ST3GAL1: variants seen among roughly 807,000 people sequenced by gnomAD.
ST3GAL1 encodes the protein ST3 beta-galactoside alpha-2,3-sialyltransferase 1.
Under a neutral mutation model 34.1 loss-of-function variants are expected in ST3GAL1, and 16 were observed. The ratio of observed to expected loss-of-function variants is 0.47; its 90% CI spans 0.32 to 0.71. ST3GAL1 has a LOEUF of 0.71. ST3GAL1 is among the 30% of genes least tolerant of loss of function. The pLI, the probability that ST3GAL1 is intolerant of heterozygous loss-of-function variation, is 0.04. For missense variants in ST3GAL1, 353 were observed against 447.4 expected (o/e 0.79, Z 1.90); for synonymous variants, 191 against 184.7 (o/e 1.03, Z -0.28).
At chr8:133,477,442 CA>C (rs1816220631) in intron 3 of ST3GAL1, among the ~76,000 whole-genome samples, 1 of 151,586 alleles carries the variant, frequency 6.6e-6, no homozygotes, top group Admixed American at 6.6e-5. Flanking sequence ...AACTGAGACT[CA>C]AAGTGCTTAG....
intron 2 of ST3GAL1, among the ~76,000 whole-genome samples, chr8:133,542,989 TC>T: frequency 6.6e-6 from 1 of 152,130 alleles, no homozygotes; most frequent in East Asian, 1.9e-4. Flanking sequence ...ATCTACACAA[TC>T]CCGGAAGTTC....
intron 2 of ST3GAL1, among the ~76,000 whole-genome samples, chr8:133,538,962 T>C (rs569704001): frequency 2.6e-5 from 4 of 151,998 alleles, no homozygotes; most frequent in Non-Finnish European, 5.9e-5. Context: ...TCATCATCCG[T>C]AAAAAAGGGA....
intron 1 of ST3GAL1, among the ~76,000 whole-genome samples, chr8:133,546,262 C>A (rs1315669031): frequency 6.6e-6 from 1 of 152,148 alleles, no homozygotes; most frequent in East Asian, 1.9e-4. Context: ...GCAGGCAGAT[C>A]GCTTGAGGTC....
Position 133,485,005 on chromosome 8 carries a change from T to C in ST3GAL1, c.-373-8405A>G, listed in dbSNP as rs544353652. On this transcript the variant is annotated intron_variant, in intron 3 of 9. Transcript: ENST00000522652. ...AATAAGGCTAGAAGCTAGAGTGGTA[T>C]CTGCAATCCACATGGCTCAAATCCC... Among the ~76,000 whole-genome samples the C allele has an allele frequency of 1.6e-4, 25 of 152,376 alleles. No homozygotes were observed. The South Asian group carries it at 5.2e-3, about 32-fold the overall frequency.
At position 133,459,725 on chromosome 8, in the gene ST3GAL1, G is replaced by A; in HGVS notation, c.*39C>T. On this transcript the variant is annotated 3_prime_UTR_variant, in exon 10 of 10. Transcript: ENST00000522652. The surrounding 1 kb of genome is among the most constrained non-coding windows in gnomAD (Gnocchi z 4.7). ...GCAAGATGCTGGGGCTGGAAATGCA[G>A]AGGTGTGACAGTGCGTCCATCCTCA... The A allele has an allele frequency of 6.4e-7, 1 of 1,563,086 alleles. No individual in the cohort carries two copies. Among genetic ancestry groups the A allele is most frequent in the East Asian group, 2.3e-5 (1 of 42,870 alleles).
chr8:133,565,266 C>T (rs187165028), intron 1 of ST3GAL1, among the ~76,000 whole-genome samples: 71 of 151,734 alleles, frequency 4.7e-4, no homozygotes, highest in African/African-American at 1.7e-3. Flanking sequence ...GAGCTCCCTG[C>T]CTTTGGCTGC....
chr8:133,477,480 C>T (rs1361185724), intron 3 of ST3GAL1, among the ~76,000 whole-genome samples: 1 of 151,298 alleles, frequency 6.6e-6, no homozygotes, highest in Non-Finnish European at 1.5e-5. Flanking sequence ...AAGGAAGGAG[C>T]AGGATCCGAG....
At chr8:133,498,871 G>A (rs576981095) in intron 3 of ST3GAL1, among the ~76,000 whole-genome samples, 1 of 152,300 alleles carries the variant, frequency 6.6e-6, no homozygotes, top group Non-Finnish European at 1.5e-5. Flanking sequence ...GCTCGATCCT[G>A]AACCCAGGTG....
chr8:133,530,219 G>A (rs1324992448), intron 2 of ST3GAL1, among the ~76,000 whole-genome samples: 2 of 152,128 alleles, frequency 1.3e-5, no homozygotes, highest in East Asian at 1.9e-4. Context: ...GGACCTGGAC[G>A]CACAGCAGGC....
chr8:133,541,096 C>CATATATATATAT lies in ST3GAL1; in HGVS notation c.-429+4666_-429+4677dup, dbSNP rs780797700. 4.0e-4 allele frequency among the ~76,000 whole-genome samples: 15 copies of CATATATATATAT among 37,194 alleles called. 1 individual carries two copies. Among genetic ancestry groups the CATATATATATAT allele is most frequent in the African/African-American group, 2.5e-3 (15 of 5,918 alleles). 24.4% of individuals were successfully genotyped at this position (37,194 alleles called of 152,430 possible). On this transcript the variant is annotated intron_variant, in intron 2 of 9. Transcript: ENST00000522652. ...ATATATATAGACATATATATATAAACATATATATATATATATATATATATA... is the reference window on the plus strand; with the variant it reads ...ATATATATAGACATATATATATAAACATATATATATATATATATATATATATATATATATATA...
intron 6 of ST3GAL1, 116 bp from the exon 7 acceptor site, chr8:133,465,073 C>A: frequency 1.0e-6 from 1 of 993,772 alleles, no homozygotes; most frequent in Non-Finnish European, 1.5e-6. Flanking sequence ...ACCTGCCTTC[C>A]CCGGGCCTCC....
intron 2 of ST3GAL1, chr8:133,515,799 A>G (rs1248815338): frequency 6.6e-6 from 1 of 152,206 alleles, no homozygotes; most frequent in Non-Finnish European, 1.5e-5. Context: ...GATAAATCAT[A>G]ATTACCAAAT....
chr8:133,464,750 G>A, intron 7 of ST3GAL1, 28 bp downstream of exon 7: 1 of 1,598,184 alleles, frequency 6.3e-7, no homozygotes, highest in East Asian at 2.3e-5. Context: ...GGGCAGAGCA[G>A]CGAGGCGGGG....
At chr8:133,475,175 A>T (rs1166388811) in intron 5 of ST3GAL1, among the ~76,000 whole-genome samples, 1 of 152,234 alleles carries the variant, frequency 6.6e-6, no homozygotes. Flanking sequence ...GGATACAGGG[A>T]GGAAGGCCCT....
At chr8:133,506,852 G>A (rs1817357535) in intron 2 of ST3GAL1, among the ~76,000 whole-genome samples, 1 of 152,002 alleles carries the variant, frequency 6.6e-6, no homozygotes, top group Admixed American at 6.5e-5. Flanking sequence ...CACTTTGGGA[G>A]GCCGAGGTGG....
intron 3 of ST3GAL1, among the ~76,000 whole-genome samples, chr8:133,479,541 G>T (rs1272218133): frequency 6.6e-6 from 1 of 152,200 alleles, no homozygotes; most frequent in Non-Finnish European, 1.5e-5. Context: ...CACCCCTAAT[G>T]CCAGGGCAGA....
At chr8:133,510,293 A>G (rs1227807870) in intron 2 of ST3GAL1, among the ~76,000 whole-genome samples, 1 of 152,198 alleles carries the variant, frequency 6.6e-6, no homozygotes, top group African/African-American at 2.4e-5. Context: ...TCTGGGCACA[A>G]TGTGCAGGCA....
chr8:133,519,530 G>A (rs4736690), intron 2 of ST3GAL1, among the ~76,000 whole-genome samples: 30,176 of 152,170 alleles, frequency 0.2, 3,251 homozygotes, highest in Admixed American at 0.23. Flanking sequence ...TGGGGGAAAT[G>A]CTTTATTATA....
chr8:133,559,144 T>G (rs2131103974), intron 1 of ST3GAL1, among the ~76,000 whole-genome samples: 1 of 152,294 alleles, frequency 6.6e-6, no homozygotes, highest in South Asian at 2.1e-4. Flanking sequence ...AGTTTGGTGA[T>G]ATTTTTATGA....
Sources: allele counts gnomAD v4.1 joint callset (sites outside exome capture counted in the v4.1 genomes callset), GRCh38; gene constraint gnomAD v4.1.1; non-coding constraint Gnocchi (gnomAD v3.1); transcripts MANE v1.5; gene names NCBI Gene and HGNC (gene_info 2026-07-23, HGNC 2026-07-21).